The following QTGAL variants were observed in gnomAD, a reference collection of about 807,000 sequenced individuals.
The protein encoded by QTGAL is queuosine-tRNA galactosyltransferase, also known as BGnT-like protein 1.
chr17:82,992,313 G>C, the QTGAL span, among the ~76,000 whole-genome samples: 2 of 151,958 alleles, frequency 1.3e-5, no homozygotes, highest in African/African-American at 4.8e-5. Context: ...CAAGAGAAAA[G>C]AAACAAATAA....
chr17:82,967,086 G>A, the QTGAL span, among the ~76,000 whole-genome samples: 1 of 152,324 alleles, frequency 6.6e-6, no homozygotes, highest in African/African-American at 2.4e-5. Context: ...TCAGGGAAAT[G>A]AGTTTTCGGT....
chr17:83,010,088 A>C, the QTGAL span, among the ~76,000 whole-genome samples: 1 of 17,164 alleles, frequency 5.8e-5, no homozygotes, highest in Admixed American at 8.0e-4. Flanking sequence ...GTGGAGCTGC[A>C]GGGGACCCTG....
the QTGAL span, among the ~76,000 whole-genome samples, chr17:83,022,393 C>T: frequency 4.0e-4 from 22 of 55,608 alleles, no homozygotes; most frequent in South Asian, 1.0e-3. Context: ...CCTGCACCAG[C>T]GTGAACTCAC....
the QTGAL span, among the ~76,000 whole-genome samples, chr17:83,000,252 C>T: frequency 5.8e-5 from 7 of 120,602 alleles, no homozygotes; most frequent in Admixed American, 1.7e-4. Flanking sequence ...TGAGCCACTG[C>T]GCCTGGCCGA....
chr17:82,982,036 C>T, the QTGAL span, among the ~76,000 whole-genome samples: 3 of 151,372 alleles, frequency 2.0e-5, no homozygotes, highest in African/African-American at 7.3e-5. Flanking sequence ...CTCCATCTTT[C>T]TCACCTCCGT....
chr17:82,958,581 C>A, the QTGAL span, among the ~76,000 whole-genome samples: 1 of 152,186 alleles, frequency 6.6e-6, no homozygotes, highest in Admixed American at 6.5e-5. Context: ...CTGTTTGTAG[C>A]AGAACCCCCA....
the QTGAL span, among the ~76,000 whole-genome samples, chr17:83,021,812 G>A: frequency 2.0e-5 from 3 of 152,194 alleles, no homozygotes; most frequent in African/African-American, 4.8e-5. Flanking sequence ...GAATAATCAT[G>A]TAATAGTAAT....
the QTGAL span, among the ~76,000 whole-genome samples, chr17:82,951,241 T>C: frequency 1.3e-5 from 2 of 152,188 alleles, no homozygotes; most frequent in Non-Finnish European, 2.9e-5. Context: ...ACACTGAAGA[T>C]CTGTGGTTGA....
the QTGAL span, among the ~76,000 whole-genome samples, chr17:83,002,709 C>T: frequency 6.6e-6 from 1 of 152,220 alleles, no homozygotes; most frequent in Non-Finnish European, 1.5e-5. Flanking sequence ...TGTCCAGTCT[C>T]ACAGAAGCAC....
the QTGAL span, among the ~76,000 whole-genome samples, chr17:83,012,838 ACTCT>A: frequency 6.6e-6 from 1 of 151,092 alleles, no homozygotes; most frequent in Admixed American, 6.6e-5. Flanking sequence ...GTCTGTGATC[ACTCT>A]CTGTTTCCAC....
chr17:83,017,269 C>T, the QTGAL span, among the ~76,000 whole-genome samples: 4 of 151,970 alleles, frequency 2.6e-5, no homozygotes, highest in South Asian at 6.2e-4. Context: ...TTCTAGTGTT[C>T]GATAGCACAA....
the QTGAL span, among the ~76,000 whole-genome samples, chr17:83,002,056 CTT>C: frequency 9.5e-4 from 141 of 148,464 alleles, no homozygotes; most frequent in Middle Eastern, 7.1e-3. Flanking sequence ...GCCACTGCGC[CTT>C]TTTTTTTTTT....
chr17:83,035,265 C>T, the QTGAL span, among the ~76,000 whole-genome samples: 13 of 151,890 alleles, frequency 8.6e-5, 1 homozygote, highest in African/African-American at 2.7e-4. Context: ...CTGCAACCTC[C>T]GCCTCCTGGG....
chr17:83,016,612 AGGG>A, the QTGAL span, among the ~76,000 whole-genome samples: 1 of 89,596 alleles, frequency 1.1e-5, no homozygotes, highest in African/African-American at 4.3e-5. Flanking sequence ...ACTGAAGAGG[AGGG>A]GGGAGGAGGG....
the QTGAL span, among the ~76,000 whole-genome samples, chr17:83,019,188 G>A: frequency 6.6e-6 from 1 of 152,150 alleles, no homozygotes; most frequent in South Asian, 2.1e-4. Flanking sequence ...ACCACCCAGG[G>A]GGAATTGGCC....
the QTGAL span, chr17:82,945,237 A>T: frequency 3.3e-5 from 5 of 152,272 alleles, no homozygotes; most frequent in Non-Finnish European, 7.3e-5. Flanking sequence ...AGATCTGAAA[A>T]CATTATCCAG....
At chr17:83,014,647 C>T in the QTGAL span, 1 of 991,300 alleles carries the variant, frequency 1.0e-6, no homozygotes, top group Non-Finnish European at 1.5e-6. Context: ...CCTCAAACTC[C>T]CGGCTTCAAC....
chr17:82,950,487 C>A, the QTGAL span, among the ~76,000 whole-genome samples: 1 of 152,184 alleles, frequency 6.6e-6, no homozygotes, highest in African/African-American at 2.4e-5. Flanking sequence ...AAACCAGATT[C>A]GTGTAGAATT....
chr17:83,022,265 G>T, the QTGAL span, among the ~76,000 whole-genome samples: 16,584 of 135,740 alleles, frequency 0.12, 948 homozygotes, highest in East Asian at 0.15. Flanking sequence ...GAACTCACAT[G>T]AGCTTAGCAC....
Sources: gnomAD v4.1 joint callset for allele counts (sites outside exome capture counted in the v4.1 genomes callset) on GRCh38, gnomAD v4.1.1 for gene constraint, MANE v1.5 for transcripts, NCBI Gene and HGNC (gene_info 2026-07-23, HGNC 2026-07-21) for gene names.